ADGRL3: variants seen among roughly 807,000 people sequenced by gnomAD.
The protein encoded by ADGRL3 is adhesion G protein-coupled receptor L3.
Under a neutral mutation model 153.5 loss-of-function variants are expected in ADGRL3, and 62 were observed. The observed-to-expected ratio is 0.40, with a 90% CI of 0.33 to 0.50. ADGRL3 has a LOEUF of 0.50. Ranked by LOEUF, ADGRL3 falls within the 20% of genes least tolerant of loss-of-function variation. The pLI is 0.47. For missense variants in ADGRL3, 1,641 were observed against 1,859.4 expected, an observed-to-expected ratio of 0.88 and a Z score of 2.16; for synonymous variants, 710 against 672.5, an observed-to-expected ratio of 1.06 and a Z score of -0.86.
chr4:61,870,664 T>G (rs758722880), intron 9 of ADGRL3, among the ~76,000 whole-genome samples: 6 of 152,094 alleles, frequency 3.9e-5, no homozygotes, highest in Non-Finnish European at 8.8e-5. Context: ...AAAGAAGATA[T>G]ACAAATGGCC....
chr4:61,901,599 A>G (rs1054127200), intron 11 of ADGRL3, among the ~76,000 whole-genome samples: 4 of 152,214 alleles, frequency 2.6e-5, no homozygotes. Flanking sequence ...TCAGATTTAT[A>G]GTAAAATAGA....
chr4:61,753,668 G>T (rs1047183049), intron 8 of ADGRL3, among the ~76,000 whole-genome samples: 1 of 152,132 alleles, frequency 6.6e-6, no homozygotes, highest in African/African-American at 2.4e-5. Context: ...CAAAGACAGA[G>T]AACAGGATTA....
intron 1 of ADGRL3, among the ~76,000 whole-genome samples, chr4:61,233,728 T>A (rs1275031076): frequency 2.0e-5 from 3 of 151,996 alleles, no homozygotes; most frequent in African/African-American, 7.2e-5. Context: ...CTACAAGTTT[T>A]TAGGAAGACT....
At chr4:61,500,333 G>A (rs1455966953) in intron 3 of ADGRL3, among the ~76,000 whole-genome samples, 3 of 152,108 alleles carry the variant, frequency 2.0e-5, no homozygotes, top group Non-Finnish European at 4.4e-5. Context: ...CTTTAAGAAG[G>A]CTTTTTCTTT....
chr4:61,977,338 A>C (rs571461061), intron 17 of ADGRL3, among the ~76,000 whole-genome samples: 123 of 151,972 alleles, frequency 8.1e-4, no homozygotes, highest in Non-Finnish European at 1.5e-3. Context: ...TCTCAATCGC[A>C]GCATCTTTCC....
chr4:61,299,778 C>T (rs1379255981), intron 1 of ADGRL3, among the ~76,000 whole-genome samples: 1 of 152,066 alleles, frequency 6.6e-6, no homozygotes, highest in African/African-American at 2.4e-5. Context: ...GTACATTTTC[C>T]CAGTTCTTGG....
intron 2 of ADGRL3, among the ~76,000 whole-genome samples, chr4:61,408,423 T>C (rs2097032543): frequency 6.6e-6 from 1 of 151,902 alleles, no homozygotes; most frequent in Non-Finnish European, 1.5e-5. Flanking sequence ...CCTTTTTTTT[T>C]TTTTCCTGCT....
chr4:61,463,605 T>A (rs1347283611), intron 2 of ADGRL3, among the ~76,000 whole-genome samples: 2 of 152,036 alleles, frequency 1.3e-5, no homozygotes, highest in Admixed American at 6.6e-5. Context: ...TCACCTTAGT[T>A]TTTTCTTTTT....
At chr4:62,045,633 C>T (rs752077050) in intron 25 of ADGRL3, among the ~76,000 whole-genome samples, 21 of 151,854 alleles carry the variant, frequency 1.4e-4, no homozygotes, top group African/African-American at 4.1e-4. Flanking sequence ...GAAGTTAGAA[C>T]GGGCAGTGTC....
chr4:61,920,597 CCAAGATTAGCTTGGAAACTG>C (rs1269607940), intron 13 of ADGRL3, among the ~76,000 whole-genome samples: 1 of 152,100 alleles, frequency 6.6e-6, no homozygotes, highest in Non-Finnish European at 1.5e-5. Flanking sequence ...ATGAGGCAGT[CCAAGATTAGCTTGGAAACTG>C]CATGAAATCA....
chr4:61,515,774 A>G (rs931334752), intron 3 of ADGRL3, among the ~76,000 whole-genome samples: 6 of 152,166 alleles, frequency 3.9e-5, no homozygotes, highest in Non-Finnish European at 7.4e-5. Flanking sequence ...ATGCCTGTAT[A>G]TATTCATGTA....
chr4:61,805,188 C>T (rs1346958570), intron 8 of ADGRL3, among the ~76,000 whole-genome samples: 6 of 151,952 alleles, frequency 3.9e-5, no homozygotes, highest in African/African-American at 1.5e-4. Context: ...GTGATCCGCC[C>T]GCCTCGGTCT....
chr4:61,387,140 G>A (rs375481670), intron 2 of ADGRL3, among the ~76,000 whole-genome samples: 12 of 152,016 alleles, frequency 7.9e-5, no homozygotes, highest in African/African-American at 2.4e-4. Context: ...GGTAGGACCC[G>A]TGATACCCTA....
intron 25 of ADGRL3, among the ~76,000 whole-genome samples, chr4:62,056,164 T>C (rs904307747): frequency 6.6e-5 from 10 of 151,732 alleles, no homozygotes; most frequent in African/African-American, 2.4e-4. Flanking sequence ...TCTTTATGTA[T>C]TAAATAATGG....
At chr4:61,565,106 G>A (rs895095557) in intron 4 of ADGRL3, among the ~76,000 whole-genome samples, 1 of 152,116 alleles carries the variant, frequency 6.6e-6, no homozygotes, top group Non-Finnish European at 1.5e-5. Flanking sequence ...TGGAAAAATG[G>A]CACCAATAGA....
chr4:61,294,903 TCA>T (rs3035670), intron 1 of ADGRL3, among the ~76,000 whole-genome samples: 16,068 of 130,820 alleles, frequency 0.12, 1,097 homozygotes, highest in African/African-American at 0.21. Flanking sequence ...ACACACACAC[TCA>T]CACACACACA....
chr4:61,971,248 C>T (rs1002953496), intron 17 of ADGRL3, among the ~76,000 whole-genome samples: 57 of 151,644 alleles, frequency 3.8e-4, no homozygotes, highest in African/African-American at 1.3e-3. Context: ...TGCTGGTGTG[C>T]TGCACCCATT....
chr4:61,368,870 G>A (rs995815112), intron 1 of ADGRL3, among the ~76,000 whole-genome samples: 3 of 152,270 alleles, frequency 2.0e-5, no homozygotes, highest in South Asian at 4.1e-4. Context: ...AGCATGGAAT[G>A]TTCTTCCATT....
At chr4:62,041,102 G>A (rs552024746) in intron 24 of ADGRL3, among the ~76,000 whole-genome samples, 2 of 152,012 alleles carry the variant, frequency 1.3e-5, no homozygotes, top group Non-Finnish European at 2.9e-5. Context: ...ACTTTGGATA[G>A]CCAGTGAGAT....
Sources: allele counts gnomAD v4.1 joint callset (sites outside exome capture counted in the v4.1 genomes callset), GRCh38; gene constraint gnomAD v4.1.1; transcripts MANE v1.5; gene names NCBI Gene and HGNC (gene_info 2026-07-23, HGNC 2026-07-21).